EPB41L4B: variants seen among roughly 807,000 people sequenced by gnomAD.
EPB41L4B encodes the protein band 4.1-like protein 4B.
A neutral mutation model predicts 112.5 loss-of-function variants in EPB41L4B; 30 were observed. The ratio of observed to expected loss-of-function variants is 0.27; its 90% CI spans 0.20 to 0.36. The LOEUF (loss-of-function observed/expected upper bound fraction) is 0.36, where lower values mean the gene tolerates loss of function less well. EPB41L4B is among the 10% of genes least tolerant of loss of function. The pLI is 1.00. For missense variants in EPB41L4B, 1,024 were observed against 1,133.3 expected (o/e 0.90, Z 1.38); for synonymous variants, 408 against 439.7 (o/e 0.93, Z 0.90).
At chr9:109,213,632 G>T in intron 17 of EPB41L4B, 68 bp downstream of exon 17, 1 of 1,308,506 alleles carries the variant, frequency 7.6e-7, no homozygotes, top group Non-Finnish European at 1.1e-6. Context: ...AGGCAGGCTA[G>T]GGTAGTAATC....
chr9:109,209,802 A>G lies in EPB41L4B; in HGVS notation c.1753-1753T>C, dbSNP rs369113286. On this transcript the variant is annotated intron_variant, in intron 17 of 25. Coordinates refer to ENST00000374566, the MANE Select transcript of EPB41L4B (RefSeq NM_019114.5). ...ACCATCTCATTTCAAGATAACTACT[A>G]TCATTATCCCCAGTTTATAGATACA... Among the ~76,000 whole-genome samples, 70 of 152,324 alleles carry G rather than the reference A, an allele frequency of 4.6e-4. 3 individuals are homozygous for G. In the South Asian group the frequency reaches 0.015, roughly 32 times the overall value.
chr9:109,290,756 T>TCACACACA (rs138900441), intron 1 of EPB41L4B, among the ~76,000 whole-genome samples: 1 of 141,376 alleles, frequency 7.1e-6, no homozygotes, highest in African/African-American at 2.6e-5. Context: ...TATATATACC[T>TCACACACA]CACACACACA....
chr9:109,216,697 A>G (rs1431886899), intron 16 of EPB41L4B, among the ~76,000 whole-genome samples: 2 of 151,800 alleles, frequency 1.3e-5, no homozygotes, highest in African/African-American at 4.8e-5. Context: ...GAGAACTGTG[A>G]CCCTATAATG....
chr9:109,185,613 C>G lies in EPB41L4B; in HGVS notation c.2302-8G>C, dbSNP rs753922043. On this transcript the variant is annotated splice_region_variant and splice_polypyrimidine_tract_variant and intron_variant, in intron 22 of 25. Transcript: ENST00000374566. ...GTTGCTGGCGGGCTCTGCCTGCTCACGAGGAGAGGAGAGAAGGGGAGGAGG... is the reference window on the plus strand; with the variant it reads ...GTTGCTGGCGGGCTCTGCCTGCTCAGGAGGAGAGGAGAGAAGGGGAGGAGG... 2.8e-5 allele frequency: 45 copies of G among 1,593,710 alleles called. No homozygotes were observed. Among genetic ancestry groups the G allele is most frequent in the Non-Finnish European group, 3.6e-5 (42 of 1,169,046 alleles).
chr9:109,236,012 T>C (rs1236152151), intron 15 of EPB41L4B, among the ~76,000 whole-genome samples: 2 of 152,172 alleles, frequency 1.3e-5, no homozygotes, highest in African/African-American at 2.4e-5. Context: ...TCTTGTCCCT[T>C]GACAAAACCA....
intron 1 of EPB41L4B, among the ~76,000 whole-genome samples, chr9:109,314,174 G>C (rs1454396533): frequency 6.6e-6 from 1 of 152,160 alleles, no homozygotes; most frequent in African/African-American, 2.4e-5. Flanking sequence ...GCCCGGGGAG[G>C]AGCCCACTCC....
rs1462826156 is a variant in EPB41L4B at position 109,320,976 on chromosome 9, C to T, written c.-530G>A. On this transcript the variant is annotated 5_prime_UTR_variant, in exon 1 of 26. Transcript: ENST00000374566. The stretch of plus-strand genomic sequence containing the variant: ...AAGGCGCCTTTTCCTGCGCCCGCAG[C>T]CCCCGCCTCCCACCTGGGAGGCTGC... 2.4e-5 allele frequency: 4 copies of T among 170,182 alleles called. No homozygotes were observed. In the East Asian group the frequency reaches 7.1e-4, roughly 30 times the overall value. 10.5% of individuals were successfully genotyped at this position (170,182 alleles called of 1,614,324 possible).
Position 109,243,666 on chromosome 9 carries a change from T to A in EPB41L4B, c.1361A>T (p.Asn454Ile). The change falls in exon 15 of 26, where the codon AAT becomes ATT. Residue 454 changes from asparagine (N) to isoleucine (I), a missense_variant. Asn to Ile is a moderately radical substitution (Grantham distance 149). Transcript: ENST00000374566. ...VHNYQPQYHP[N>I]IHPSQPRWHP... ...CCACCGGGGCTGGCTGGGATGGATA[T>A]TAGGATGATATTGAGGCTAGAAATA... 1 of 1,614,148 alleles carries A rather than the reference T, an allele frequency of 6.2e-7. No homozygotes were observed. The highest frequency in any genetic ancestry group is 8.5e-7 in the Non-Finnish European group (1 of 1,180,004).
intron 24 of EPB41L4B, among the ~76,000 whole-genome samples, chr9:109,181,214 T>C (rs1002539107): frequency 1.3e-5 from 2 of 151,988 alleles, no homozygotes; most frequent in South Asian, 4.2e-4. Context: ...GTTGCCCAGG[T>C]TGATCTCGAA....
At chr9:109,214,204 C>T (rs1313205683) in intron 16 of EPB41L4B, among the ~76,000 whole-genome samples, 1 of 152,192 alleles carries the variant, frequency 6.6e-6, no homozygotes, top group East Asian at 1.9e-4. Context: ...TTCAGGCAAA[C>T]AGGCATATAA....
chr9:109,245,792 T>C (rs560367821), intron 14 of EPB41L4B, among the ~76,000 whole-genome samples: 4 of 152,342 alleles, frequency 2.6e-5, no homozygotes, highest in South Asian at 2.1e-4. Flanking sequence ...CAACCCTTGA[T>C]AGAACACAAG....
At chr9:109,218,719 T>G (rs547865089) in intron 15 of EPB41L4B, among the ~76,000 whole-genome samples, 1 of 152,102 alleles carries the variant, frequency 6.6e-6, no homozygotes, top group Non-Finnish European at 1.5e-5. Context: ...CCGATGCCTC[T>G]TACTTCTTGG....
At chr9:109,245,626 T>C (rs1412365339) in intron 14 of EPB41L4B, among the ~76,000 whole-genome samples, 2 of 152,196 alleles carry the variant, frequency 1.3e-5, no homozygotes, top group Admixed American at 6.5e-5. Context: ...AGCGTCCTCA[T>C]TGAGAACACA....
intron 4 of EPB41L4B, among the ~76,000 whole-genome samples, chr9:109,266,582 G>T (rs748129093): frequency 1.3e-5 from 2 of 152,166 alleles, no homozygotes; most frequent in Non-Finnish European, 2.9e-5. Context: ...AAAGGGTAGA[G>T]GGAAACTCCA....
chr9:109,192,457 GA>G, intron 21 of EPB41L4B, 102 bp from the exon 22 acceptor site: 1 of 741,604 alleles, frequency 1.3e-6, no homozygotes, highest in Non-Finnish European at 2.2e-6. Context: ...CCTCTACACT[GA>G]TCTCATTAGC....
chr9:109,279,668 G>T, intron 2 of EPB41L4B, 149 bp downstream of exon 2: 1 of 660,650 alleles, frequency 1.5e-6, no homozygotes, highest in Non-Finnish European at 2.6e-6. Context: ...CATGGCACTT[G>T]GGCACCACAA....
At chr9:109,257,383 G>A (rs1188028442) in intron 7 of EPB41L4B, among the ~76,000 whole-genome samples, 4 of 152,076 alleles carry the variant, frequency 2.6e-5, no homozygotes, top group African/African-American at 7.2e-5. Flanking sequence ...AGGGGGAATG[G>A]AGGGAAAAAA....
At chr9:109,204,868 C>G (rs966480490) in intron 18 of EPB41L4B, among the ~76,000 whole-genome samples, 1 of 152,176 alleles carries the variant, frequency 6.6e-6, no homozygotes, top group African/African-American at 2.4e-5. Context: ...TCCTTATACT[C>G]TCACTATGCA....
At chr9:109,318,921 G>C (rs1380123506) in intron 1 of EPB41L4B, among the ~76,000 whole-genome samples, 1 of 152,162 alleles carries the variant, frequency 6.6e-6, no homozygotes, top group Non-Finnish European at 1.5e-5. Flanking sequence ...AGCCAGGCAG[G>C]CTCTGATTTT....
Sources: allele counts gnomAD v4.1 joint callset (sites outside exome capture counted in the v4.1 genomes callset), GRCh38; gene constraint gnomAD v4.1.1; transcripts MANE v1.5; gene names NCBI Gene and HGNC (gene_info 2026-07-23, HGNC 2026-07-21).